The following HOXC6 variants were observed in gnomAD, a reference collection of about 807,000 sequenced individuals.
The protein encoded by HOXC6 is homeobox C6.
Under a neutral mutation model 24.0 loss-of-function variants are expected in HOXC6, and 10 were observed. That is an observed-to-expected ratio of 0.42 (90% CI 0.26 to 0.71). HOXC6 has a LOEUF of 0.71. Ranked by LOEUF, HOXC6 falls within the 30% of genes least tolerant of loss-of-function variation. HOXC6 has a pLI of 0.28. For missense variants in HOXC6, 258 were observed against 303.4 expected (o/e 0.85, Z 1.11); for synonymous variants, 123 against 128.1 (o/e 0.96, Z 0.27).
At chr12:54,027,312 G>A (rs1940763924), upstream of HOXC6, among the ~76,000 whole-genome samples, 1 of 152,212 alleles carries the variant, frequency 6.6e-6, no homozygotes, top group Non-Finnish European at 1.5e-5. Flanking sequence ...AAGCCTCATA[G>A]CTCAGGTCCA....
exon 1 of HOXC6, chr12:54,017,043 G>C (rs1046119569): frequency 1.3e-5 from 2 of 152,060 alleles, no homozygotes; most frequent in Non-Finnish European, 2.9e-5. Context: ...GCCGAAGCTG[G>C]GGGCAGCTGG....
At chr12:54,026,257 A>C (rs781196636), upstream of HOXC6, among the ~76,000 whole-genome samples, 7 of 152,098 alleles carry the variant, frequency 4.6e-5, no homozygotes, top group Non-Finnish European at 5.9e-5. Flanking sequence ...TCCCTAGCTC[A>C]GTCCCCAGAG....
At chr12:54,024,653 T>A (rs1043446537), upstream of HOXC6, among the ~76,000 whole-genome samples, 3 of 152,202 alleles carry the variant, frequency 2.0e-5, no homozygotes, top group Admixed American at 2.0e-4. Flanking sequence ...TTCTTCAGGC[T>A]GGGTCCAGTC....
In HOXC6 at chr12:54,029,885, G is replaced by A. The variant is rs202121790; in HGVS notation, c.631G>A (p.Gly211Arg). 4.3e-6 allele frequency: 7 copies of A among 1,611,574 alleles called. No individual in the cohort carries two copies. The East Asian group carries it at 6.7e-5, about 15-fold the overall frequency. The change falls in exon 2 of 2, where the codon GGA becomes AGA. Residue 211 changes from glycine (G) to arginine (R), a missense_variant. Physicochemically the swap from Gly to Arg is moderately radical, Grantham distance 125. Transcript: ENST00000243108. ...NLTSTLSGGG[G>R]GATADSLGGK... ...CACATCCACTCTCTCGGGGGGCGGC[G>A]GAGGGGCCACCGCCGACAGCCTGGG...
chr12:54,020,318 T>C (rs1367032603), intron 1 of HOXC6: 1 of 152,284 alleles, frequency 6.6e-6, no homozygotes, highest in Non-Finnish European at 1.5e-5. Flanking sequence ...AGCCCACTCT[T>C]TGGGCACCCT....
At chr12:54,018,742 G>A (rs1053791656) in intron 1 of HOXC6, among the ~76,000 whole-genome samples, 3 of 152,202 alleles carry the variant, frequency 2.0e-5, no homozygotes, top group African/African-American at 7.2e-5. Flanking sequence ...TACACACCCA[G>A]GCAGACACAC....
At chr12:54,026,985 T>A (rs1952494602), upstream of HOXC6, among the ~76,000 whole-genome samples, 1 of 149,386 alleles carries the variant, frequency 6.7e-6, no homozygotes, top group Admixed American at 6.7e-5. Flanking sequence ...GGATATGAGC[T>A]TTCTCTGCTC....
In HOXC6 at chr12:54,028,737, T is replaced by C; in HGVS notation, c.216T>C (p.Tyr72=). 1.2e-6 allele frequency: 2 copies of C among 1,614,160 alleles called. No homozygotes were observed. Among genetic ancestry groups the C allele is most frequent in the Non-Finnish European group, 8.5e-7 (1 of 1,180,024 alleles). Residue 72 remains tyrosine, a synonymous_variant, in exon 1 of 2, where the codon TAT becomes TAC. Transcript: ENST00000243108. ...GTTCCAGCCGGGGGCCGTATGACTA[T>C]GGATCTAATTCCTTTTACCAGGAGA... ...VFSSSRGPYD[Y]GSNSFYQEKD...
chr12:54,026,593 C>A (rs1940709449), upstream of HOXC6, among the ~76,000 whole-genome samples: 2 of 152,148 alleles, frequency 1.3e-5, no homozygotes, highest in African/African-American at 4.8e-5. Context: ...CAAATACCGA[C>A]AAATTTCTGT....
In HOXC6 at chr12:54,028,586, C is replaced by T. The variant is rs1940837026; in HGVS notation, c.65C>T (p.Pro22Leu). Residue 22 changes from proline to leucine, a missense_variant, in exon 1 of 2, where the codon CCC (proline) becomes CTC (leucine). Transcript: ENST00000243108. The part of the protein sequence containing the change: ...CHLAGGQDVL[P>L]NVALNSTAYD... ...CTCGCCGGGGGCCAGGACGTCCTCCCCAACGTCGCCCTCAATTCCACCGCC... is the reference window on the plus strand; with the variant it reads ...CTCGCCGGGGGCCAGGACGTCCTCCTCAACGTCGCCCTCAATTCCACCGCC... 3 of 1,613,992 alleles carry T rather than the reference C, an allele frequency of 1.9e-6. No homozygotes were observed. The East Asian group carries it at 6.7e-5, about 36-fold the overall frequency.
chr12:54,027,942 T>C (rs1414014651), upstream of HOXC6, among the ~76,000 whole-genome samples: 1 of 152,166 alleles, frequency 6.6e-6, no homozygotes, highest in Non-Finnish European at 1.5e-5. Flanking sequence ...ACTAGTTTAG[T>C]GATGGGACTC....
chr12:54,018,164 G>C (rs1280380134), intron 1 of HOXC6, among the ~76,000 whole-genome samples: 1 of 152,200 alleles, frequency 6.6e-6, no homozygotes, highest in Non-Finnish European at 1.5e-5. Context: ...GTTGTAGGGT[G>C]GGGGTGGGGG....
upstream of HOXC6, among the ~76,000 whole-genome samples, chr12:54,027,557 TCCTC>T: frequency 6.6e-6 from 1 of 152,304 alleles, no homozygotes; most frequent in Middle Eastern, 3.4e-3. Context: ...TTTTCGTTCT[TCCTC>T]TCTCTCTCTT....
rs1267817551 is a variant in HOXC6, at chr12:54,028,474, G to T, written c.-48G>T. 6.4e-7 allele frequency: 1 copy of T among 1,574,278 alleles called. No individual in the cohort carries two copies. Among genetic ancestry groups the T allele is most frequent in the Non-Finnish European group, 8.6e-7 (1 of 1,157,632 alleles). ...TAGTTCCGAGTACAAACTGGAGACA[G>T]AAATAAATATTAAAGAAATCATAGA... On this transcript the variant is annotated 5_prime_UTR_variant, in exon 1 of 2. Transcript: ENST00000243108.
At chr12:54,027,571 T>C (rs1940777024), upstream of HOXC6, among the ~76,000 whole-genome samples, 1 of 152,216 alleles carries the variant, frequency 6.6e-6, no homozygotes, top group Admixed American at 6.5e-5. Context: ...CTCTCTCTCT[T>C]TCTCTCTGTC....
chr12:54,025,527 T>TGGG (rs999135770), upstream of HOXC6, among the ~76,000 whole-genome samples: 2 of 12,694 alleles, frequency 1.6e-4, no homozygotes, highest in South Asian at 5.4e-3. Context: ...GAAAGGTAAT[T>TGGG]GGGGGGGGGG....
At chr12:54,029,500 T>G in intron 1 of HOXC6, 155 bp from the exon 2 acceptor site, 1 of 434,818 alleles carries the variant, frequency 2.3e-6, no homozygotes, top group Non-Finnish European at 3.8e-6. Flanking sequence ...GTACCCCCAG[T>G]GGGGGTGGGG....
upstream of HOXC6, chr12:54,028,317 A>C (rs1940820516): frequency 7.5e-6 from 4 of 531,598 alleles, no homozygotes; most frequent in African/African-American, 1.9e-5. Flanking sequence ...ACTTAGTCTC[A>C]ACTAGGGAAT....
chr12:54,017,536 G>A (rs964110693), intron 1 of HOXC6: 1 of 151,918 alleles, frequency 6.6e-6, no homozygotes. Context: ...TGGGCGCGTA[G>A]TTAATTATGG....
Sources: gnomAD v4.1 joint callset for allele counts (sites outside exome capture counted in the v4.1 genomes callset) on GRCh38, gnomAD v4.1.1 for gene constraint, MANE v1.5 for transcripts, NCBI Gene and HGNC (gene_info 2026-07-23, HGNC 2026-07-21) for gene names.